The following HOXB3 variants were observed in gnomAD, a reference collection of about 807,000 sequenced individuals.
HOXB3 encodes the protein homeobox B3.
Under a neutral mutation model 29.2 loss-of-function variants are expected in HOXB3, and 17 were observed. The ratio of observed to expected loss-of-function variants is 0.58; its 90% confidence interval spans 0.40 to 0.87. The LOEUF (loss-of-function observed/expected upper bound fraction) is 0.87, where lower values mean the gene tolerates loss of function less well. Ranked by LOEUF, HOXB3 falls within the 40% of genes least tolerant of loss-of-function variation. The pLI is 0.00. For missense variants in HOXB3, 637 were observed against 616.3 expected, an observed-to-expected ratio of 1.03 and a Z score of -0.35; for synonymous variants, 317 against 285.9, an observed-to-expected ratio of 1.11 and a Z score of -1.10.
chr17:48,565,124 G>A (rs944553636), intron 2 of HOXB3, among the ~76,000 whole-genome samples: 1 of 152,092 alleles, frequency 6.6e-6, no homozygotes, highest in Non-Finnish European at 1.5e-5. Flanking sequence ...CCCACAAGGG[G>A]GAAGAAAAGC....
chr17:48,561,183 A>AACACACAC (rs530713063), intron 2 of HOXB3, among the ~76,000 whole-genome samples: 14,487 of 125,308 alleles, frequency 0.12, 1,007 homozygotes, highest in Non-Finnish European at 0.13. Context: ...TCCGTCTCAA[A>AACACACAC]ACACACACAC....
At chr17:48,560,893 C>A (rs1049710889) in intron 2 of HOXB3, among the ~76,000 whole-genome samples, 3 of 152,166 alleles carry the variant, frequency 2.0e-5, no homozygotes, top group African/African-American at 7.2e-5. Context: ...AACCACTGTT[C>A]AGTCCCTGGG....
At chr17:48,584,005 TG>T (rs1285499321) in intron 1 of HOXB3, among the ~76,000 whole-genome samples, 2 of 152,224 alleles carry the variant, frequency 1.3e-5, no homozygotes, top group East Asian at 3.8e-4. Context: ...CTATAGTAAA[TG>T]CTTGGAAGAG....
At position 48,550,648 on chromosome 17, in the gene HOXB3, C is replaced by T. The variant is rs998164935; in HGVS notation, c.982G>A (p.Glu328Lys). The T allele has an allele frequency of 6.6e-6, 10 of 1,524,852 alleles. No individual in the cohort carries two copies. The highest frequency in any genetic ancestry group is 4.4e-5 in the Admixed American group (2 of 45,884). 94.5% of individuals were successfully genotyped at this position (1,524,852 alleles called of 1,614,324 possible). Reference sequence around the variant, plus strand: ...GCTTGGAGGACGTGCGGCTCATACTCGGGCGCCGGGGTCGGAGGGTACTTC... The same window carrying T: ...GCTTGGAGGACGTGCGGCTCATACTTGGGCGCCGGGGTCGGAGGGTACTTC... ...PQKYPPTPAPEYEPHVLQANG... is the reference protein window; with the variant it reads ...PQKYPPTPAPKYEPHVLQANG... Residue 328 changes from glutamate to lysine, a missense_variant, in exon 5 of 5, where the codon GAG (glutamate) becomes AAG (lysine). Transcript: ENST00000498678.
intron 2 of HOXB3, among the ~76,000 whole-genome samples, chr17:48,564,548 C>G (rs114782276): frequency 0.03 from 4,535 of 152,346 alleles, 223 homozygotes; most frequent in African/African-American, 0.1. Context: ...CCGGGCCGCG[C>G]AGGGCTGCGG....
Position 48,584,154 on chromosome 17 carries a change from G to A in HOXB3, c.-425+5971C>T, listed in dbSNP as rs140104873. ...TGTATGGATTCAAAGTTCATTTCAG[G>A]TTGTCTGTTTCAACTCCCGTAAAAA... On this transcript the variant is annotated intron_variant, in intron 1 of 4. Coordinates refer to ENST00000498678, the MANE Select transcript of HOXB3 (RefSeq NM_001384749.1). Among the ~76,000 whole-genome samples, 75 of 152,300 alleles carry A rather than the reference G, an allele frequency of 4.9e-4. 1 individual carries two copies. The East Asian group carries it at 0.01, about 21-fold the overall frequency.
chr17:48,573,888 C>A lies in HOXB3; in HGVS notation c.-298G>T, dbSNP rs1380796306. 1 of 702,044 alleles carries A rather than the reference C, an allele frequency of 1.4e-6. No homozygotes were observed. Among genetic ancestry groups the A allele is most frequent in the South Asian group, 1.5e-5 (1 of 67,516 alleles). The allele number at this position is 702,044 out of a possible 1,614,324, so 43.5% of individuals were successfully genotyped here. A position where few individuals can be genotyped will look rare whatever the true frequency, so the allele number is the denominator to read the frequency against. ...CGAACTCTGCAGATCCCATTCATGACGAAGGGCTTCTTCCAAACTGAGAGA... is the reference window on the plus strand; with the variant it reads ...CGAACTCTGCAGATCCCATTCATGAAGAAGGGCTTCTTCCAAACTGAGAGA... On this transcript the variant is annotated 5_prime_UTR_variant, in exon 2 of 5. Coordinates refer to ENST00000498678, the MANE Select transcript of HOXB3 (RefSeq NM_001384749.1).
intron 1 of HOXB3, among the ~76,000 whole-genome samples, chr17:48,588,705 C>T (rs910846661): frequency 6.6e-6 from 1 of 152,216 alleles, no homozygotes; most frequent in African/African-American, 2.4e-5. Flanking sequence ...CAAATGCCCT[C>T]ATCATTCTTG....
At chr17:48,564,645 G>A (rs1324396512) in intron 2 of HOXB3, among the ~76,000 whole-genome samples, 1 of 152,262 alleles carries the variant, frequency 6.6e-6, no homozygotes, top group South Asian at 2.1e-4. Flanking sequence ...AACTGACAGG[G>A]GCACGGCGAG....
At chr17:48,577,968 G>C (rs773095841) in intron 1 of HOXB3, 11 of 1,313,302 alleles carry the variant, frequency 8.4e-6, no homozygotes, top group Non-Finnish European at 8.8e-6. Flanking sequence ...GGAGGCGGCG[G>C]GGGGCTGCTG....
At chr17:48,589,664 C>T (rs1366524166) in intron 1 of HOXB3, among the ~76,000 whole-genome samples, 1 of 152,180 alleles carries the variant, frequency 6.6e-6, no homozygotes, top group Non-Finnish European at 1.5e-5. Context: ...TTTTTCTCAG[C>T]TCAGATGTAT....
At chr17:48,553,016 T>C (rs1035979431) in intron 3 of HOXB3, 1 of 152,586 alleles carries the variant, frequency 6.6e-6, no homozygotes, top group Non-Finnish European at 1.5e-5. Context: ...CACCCTCCTC[T>C]GAGCCCAGAG....
chr17:48,588,687 A>G (rs77333573), intron 1 of HOXB3, among the ~76,000 whole-genome samples: 4,134 of 152,264 alleles, frequency 0.027, 182 homozygotes, highest in African/African-American at 0.091. Flanking sequence ...TCTCCTTTCT[A>G]AGGGATACAA....
Position 48,554,357 on chromosome 17 carries a change from GTAATAA to G in HOXB3, c.-159+1168_-159+1173del. On this transcript the variant is annotated intron_variant, in intron 3 of 4. Transcript: ENST00000498678. This position sits in a 1 kb window ranked among gnomAD's most constrained non-coding sequence, Gnocchi z 4.1. Reference sequence around the variant, plus strand: ...AATAATGATGACGATGATGATGATAGTAATAATAATAAAACAATAATTTAACTAGAT... The same window carrying G: ...AATAATGATGACGATGATGATGATAGTAATAAAACAATAATTTAACTAGAT... The G allele has an allele frequency of 2.3e-6, 1 of 441,156 alleles. No homozygotes were observed. Among genetic ancestry groups the G allele is most frequent in the Non-Finnish European group, 4.1e-6 (1 of 244,360 alleles). The allele number at this position is 441,156 out of a possible 1,614,324, so 27.3% of individuals were successfully genotyped here. A position where few individuals can be genotyped will look rare whatever the true frequency, so the allele number is the denominator to read the frequency against.
intron 1 of HOXB3, chr17:48,580,097 A>C (rs1003646973): frequency 5.6e-6 from 2 of 356,360 alleles, no homozygotes; most frequent in Non-Finnish European, 1.1e-5. Flanking sequence ...TGGGATTACA[A>C]GGTTTTCAAT....
In HOXB3 at chr17:48,554,903, A is replaced by T; in HGVS notation, c.-159+628T>A. On this transcript the variant is annotated intron_variant, in intron 3 of 4. Transcript: ENST00000498678. This position sits in a 1 kb window ranked among gnomAD's most constrained non-coding sequence, Gnocchi z 4.1. ...AGGGGACCCAAGATCTGGGATCCAG[A>T]ACAAGAGGGGGTGGGGAACAACTCT... 1.4e-6 allele frequency: 1 copy of T among 692,216 alleles called. No individual in the cohort carries two copies. The highest frequency in any genetic ancestry group is 1.8e-5 in the African/African-American group (1 of 56,796). 42.9% of individuals were successfully genotyped at this position (692,216 alleles called of 1,614,324 possible). A position where few individuals can be genotyped will look rare whatever the true frequency, so the allele number is the denominator to read the frequency against.
intron 1 of HOXB3, among the ~76,000 whole-genome samples, chr17:48,589,370 C>A (rs899025879): frequency 6.6e-6 from 1 of 152,190 alleles, no homozygotes; most frequent in South Asian, 2.1e-4. Context: ...AAGCTCTTCC[C>A]TTCCCCCACT....
chr17:48,571,616 A>G (rs2069588866), intron 2 of HOXB3, among the ~76,000 whole-genome samples: 1 of 152,192 alleles, frequency 6.6e-6, no homozygotes, highest in South Asian at 2.1e-4. Flanking sequence ...CATTGCAGAA[A>G]GCAGTTTGTA....
intron 1 of HOXB3, chr17:48,575,610 G>A (rs559028384): frequency 2.0e-5 from 3 of 152,646 alleles, no homozygotes; most frequent in South Asian, 4.2e-4. Context: ...CCCAGAGGTA[G>A]GAAGGGGCCT....
Sources: gnomAD v4.1 joint callset for allele counts (sites outside exome capture counted in the v4.1 genomes callset) on GRCh38, gnomAD v4.1.1 for gene constraint, Gnocchi (gnomAD v3.1) non-coding constraint, MANE v1.5 for transcripts, NCBI Gene and HGNC (gene_info 2026-07-23, HGNC 2026-07-21) for gene names.